The following RDH10 variants were observed in gnomAD, a reference collection of about 807,000 sequenced individuals.
The protein encoded by RDH10 is retinol dehydrogenase 10 (all-trans).
Under a neutral mutation model 30.2 loss-of-function variants are expected in RDH10, and 12 were observed. The ratio of observed to expected loss-of-function variants is 0.40; its 90% confidence interval spans 0.25 to 0.64. RDH10 has a LOEUF of 0.64. RDH10 is among the 30% of genes least tolerant of loss of function. The pLI is 0.43. For missense variants in RDH10, 268 were observed against 445.2 expected (o/e 0.60, Z 3.58); for synonymous variants, 189 against 172.2 (o/e 1.10, Z -0.76).
chr8:73,321,811 C>T (rs1252571108), intron 4 of RDH10: 1 of 456,224 alleles, frequency 2.2e-6, no homozygotes, highest in Admixed American at 2.3e-5. Context: ...GGTTGGGGGC[C>T]ATTCTTAACG....
chr8:73,323,129 T>C lies in RDH10; in HGVS notation c.*93T>C. ...AGCATTGCTGACATTTTATGGATTC[T>C]AAACTTGTGTTGTTTCTTTTTTAAA... On this transcript the variant is annotated 3_prime_UTR_variant, in exon 6 of 6. Coordinates refer to ENST00000240285, the MANE Select transcript of RDH10 (RefSeq NM_172037.5). 9.8e-7 allele frequency: 1 copy of C among 1,016,240 alleles called. No homozygotes were observed. The highest frequency in any genetic ancestry group is 1.4e-5 in the South Asian group (1 of 69,868). The allele number at this position is 1,016,240 out of a possible 1,614,324, so 63.0% of individuals were successfully genotyped here. A position where few individuals can be genotyped will look rare whatever the true frequency, so the allele number is the denominator to read the frequency against.
In RDH10 at chr8:73,320,889, G is replaced by A. The variant is rs73330934; in HGVS notation, c.625-43G>A. 115 of 1,607,910 alleles carry A rather than the reference G, an allele frequency of 7.2e-5. No individual in the cohort carries two copies. In the African/African-American group the frequency reaches 1.4e-3, roughly 19 times the overall value. The stretch of plus-strand genomic sequence containing the variant: ...AAGCTTTAGTTTGGTTGGAGATAGG[G>A]GCATATGCTTAGTATTTCTGCTTTC... On this transcript the variant is annotated intron_variant, in intron 3 of 5. Coordinates refer to ENST00000240285, the MANE Select transcript of RDH10 (RefSeq NM_172037.5).
chr8:73,297,157 T>A (rs1293549552), intron 1 of RDH10, 37 bp from the exon 2 acceptor site: 1 of 1,244,412 alleles, frequency 8.0e-7, no homozygotes, highest in Admixed American at 1.7e-5. Flanking sequence ...TCCTTCTCTT[T>A]TGCATGTTTT....
At chr8:73,296,835 A>G (rs1814274841) in intron 1 of RDH10, among the ~76,000 whole-genome samples, 1 of 152,146 alleles carries the variant, frequency 6.6e-6, no homozygotes, top group African/African-American at 2.4e-5. Flanking sequence ...CCAAAAAAAG[A>G]GGAGTGTGTA....
intron 2 of RDH10, among the ~76,000 whole-genome samples, chr8:73,314,971 T>C (rs1586193887): frequency 6.6e-6 from 1 of 152,280 alleles, no homozygotes; most frequent in East Asian, 1.9e-4. Context: ...AATCTCCCTC[T>C]CAAAAGAAAG....
At chr8:73,302,100 C>G (rs1388454916) in intron 2 of RDH10, among the ~76,000 whole-genome samples, 1 of 152,182 alleles carries the variant, frequency 6.6e-6, no homozygotes, top group African/African-American at 2.4e-5. Context: ...CATTTCTGTA[C>G]CCTTTGGAAG....
At chr8:73,302,677 C>G (rs1814400122) in intron 2 of RDH10, among the ~76,000 whole-genome samples, 1 of 152,152 alleles carries the variant, frequency 6.6e-6, no homozygotes, top group African/African-American at 2.4e-5. Flanking sequence ...GAGAGCCAGA[C>G]TCTGTCTCAA....
At chr8:73,310,556 A>C (rs186654858) in intron 2 of RDH10, among the ~76,000 whole-genome samples, 63 of 152,370 alleles carry the variant, frequency 4.1e-4, no homozygotes, top group African/African-American at 1.4e-3. Context: ...GTTACTGGTC[A>C]CTAGAGCAGA....
At chr8:73,297,848 C>A (rs1252491427) in intron 2 of RDH10, 8 of 225,960 alleles carry the variant, frequency 3.5e-5, no homozygotes, top group Non-Finnish European at 5.4e-5. Flanking sequence ...ATTCTGAAAT[C>A]AACATTTGTG....
intron 2 of RDH10, among the ~76,000 whole-genome samples, chr8:73,300,770 G>T (rs1365423378): frequency 6.6e-6 from 1 of 152,164 alleles, no homozygotes; most frequent in East Asian, 1.9e-4. Flanking sequence ...GTCTTTTAAG[G>T]TGTAGCTCAA....
At chr8:73,319,440 G>A (rs1448612945) in intron 3 of RDH10, among the ~76,000 whole-genome samples, 5 of 152,182 alleles carry the variant, frequency 3.3e-5, no homozygotes, top group Middle Eastern at 3.2e-3. Flanking sequence ...TGGGAGAATC[G>A]TGCGAGCCCA....
intron 4 of RDH10, chr8:73,322,413 TA>T: frequency 1.0e-5 from 4 of 396,244 alleles, no homozygotes; most frequent in Non-Finnish European, 1.8e-5. Context: ...GAAATACTTT[TA>T]AGGCATCTTA....
chr8:73,310,779 A>T (rs776059092), intron 2 of RDH10: 2 of 152,214 alleles, frequency 1.3e-5, no homozygotes, highest in Non-Finnish European at 2.9e-5. Context: ...TCGTTTGATC[A>T]TCTAGGGCCC....
Position 73,295,367 on chromosome 8 carries a change from G to T in RDH10, c.78G>T (p.Leu26=). Residue 26 remains leucine, a synonymous_variant, in exon 1 of 6, where the codon CTG becomes CTT. Transcript: ENST00000240285. The part of the protein sequence containing the change: ...WAFVLAAARW[L]VRPKEKSVAG... Reference sequence around the variant, plus strand: ...TCGTGCTGGCCGCGGCGCGCTGGCTGGTGCGGCCCAAGGAGAAGAGCGTGG... The same window carrying T: ...TCGTGCTGGCCGCGGCGCGCTGGCTTGTGCGGCCCAAGGAGAAGAGCGTGG... The T allele has an allele frequency of 6.4e-7, 1 of 1,559,208 alleles. No individual in the cohort carries two copies. Among genetic ancestry groups the T allele is most frequent in the Non-Finnish European group, 8.7e-7 (1 of 1,153,320 alleles).
At chr8:73,313,437 A>ATGTCAGTG (rs1287625352) in intron 2 of RDH10, 12 of 152,080 alleles carry the variant, frequency 7.9e-5, no homozygotes, top group South Asian at 4.1e-4. Context: ...TTTCATAGGA[A>ATGTCAGTG]TGTCAGTGTC....
Position 73,295,409 on chromosome 8 carries a change from C to G in RDH10, c.120C>G (p.Leu40=). 6.5e-7 allele frequency: 1 copy of G among 1,549,178 alleles called. No homozygotes were observed. Residue 40 remains leucine (L), a synonymous_variant, in exon 1 of 6, where the codon CTC becomes CTG. Coordinates refer to ENST00000240285, the MANE Select transcript of RDH10 (RefSeq NM_172037.5). ...KEKSVAGQVC[L]ITGAGSGLGR... ...AGAGCGTGGCGGGCCAGGTGTGCCT[C>G]ATCACCGGCGCCGGCAGCGGCCTGG... is the stretch of plus-strand genomic sequence containing the variant.
chr8:73,295,150 G>A lies in RDH10; in HGVS notation c.-140G>A. On this transcript the variant is annotated 5_prime_UTR_variant, in exon 1 of 6. Transcript: ENST00000240285. The stretch of plus-strand genomic sequence containing the variant: ...GGCGCCGCGCACTCCAACCCGGCGG[G>A]CACCTCGGGGGCGGGCGCGGGGCGC... The A allele has an allele frequency of 2.7e-6, 2 of 752,118 alleles. No individual in the cohort carries two copies. Among genetic ancestry groups the A allele is most frequent in the East Asian group, 6.9e-5 (2 of 28,870 alleles). The allele number at this position is 752,118 out of a possible 1,614,324, so 46.6% of individuals were successfully genotyped here.
chr8:73,302,318 A>T (rs571795470), intron 2 of RDH10, among the ~76,000 whole-genome samples: 3 of 152,188 alleles, frequency 2.0e-5, no homozygotes. Flanking sequence ...ATGCACTATC[A>T]TGCACTTTAA....
At chr8:73,321,549 G>A (rs1216663350) in intron 4 of RDH10, among the ~76,000 whole-genome samples, 1 of 152,136 alleles carries the variant, frequency 6.6e-6, no homozygotes, top group South Asian at 2.1e-4. Context: ...TTTGCAGCAA[G>A]CGTATGTAAC....
Sources: gnomAD v4.1 joint callset for allele counts (sites outside exome capture counted in the v4.1 genomes callset) on GRCh38, gnomAD v4.1.1 for gene constraint, MANE v1.5 for transcripts, NCBI Gene and HGNC (gene_info 2026-07-23, HGNC 2026-07-21) for gene names.